The following RAB4B variants were observed in gnomAD, a reference collection of about 807,000 sequenced individuals.
The protein encoded by RAB4B is ras-related protein Rab-4B.
A neutral mutation model predicts 28.3 loss-of-function variants in RAB4B; 15 were observed. The ratio of observed to expected loss-of-function variants is 0.53; its 90% CI spans 0.35 to 0.82. The LOEUF (loss-of-function observed/expected upper bound fraction) is 0.82. Among genes scored for constraint, RAB4B ranks in the 40% least tolerant of loss-of-function variants. RAB4B has a pLI of 0.01. For synonymous variants in RAB4B, 108 were observed against 116.3 expected, an observed-to-expected ratio of 0.93 and a Z score of 0.46; for missense variants, 244 against 288.5, an observed-to-expected ratio of 0.85 and a Z score of 1.12.
chr19:40,787,845 C>T (rs1214810793), intron 7 of RAB4B, among the ~76,000 whole-genome samples: 1 of 151,284 alleles, frequency 6.6e-6, no homozygotes. Context: ...GCCTATAGTC[C>T]CAGCTACTTG....
intron 7 of RAB4B, among the ~76,000 whole-genome samples, chr19:40,793,832 A>AG (rs1041531625): frequency 2.6e-5 from 4 of 151,558 alleles, no homozygotes; most frequent in African/African-American, 9.7e-5. Flanking sequence ...GCTGAGGCAG[A>AG]GGAATAGCTT....
chr19:40,784,576 T>G (rs2083080773), intron 5 of RAB4B, among the ~76,000 whole-genome samples: 1 of 152,148 alleles, frequency 6.6e-6, no homozygotes, highest in South Asian at 2.1e-4. Flanking sequence ...TCTCAGTTTC[T>G]TCATCTGGAA....
chr19:40,779,123 C>T (rs1386375416), intron 1 of RAB4B: 7 of 667,918 alleles, frequency 1.0e-5, no homozygotes, highest in Non-Finnish European at 1.3e-5. Context: ...GTGAATGAGT[C>T]AGAGGGTGGT....
At chr19:40,787,396 G>A (rs535134058) in intron 7 of RAB4B, among the ~76,000 whole-genome samples, 17 of 152,052 alleles carry the variant, frequency 1.1e-4, no homozygotes, top group East Asian at 7.8e-4. Flanking sequence ...TTAGCTGGGC[G>A]TGGTGGCAGG....
intron 3 of RAB4B, among the ~76,000 whole-genome samples, chr19:40,782,020 CAAA>C (rs56884543): frequency 9.3e-4 from 101 of 108,660 alleles, no homozygotes; most frequent in Middle Eastern, 5.0e-3. Flanking sequence ...GGCTCCGTTT[CAAA>C]AAAAAAAAAA....
At chr19:40,787,082 G>A (rs1365251313) in intron 7 of RAB4B, 104 bp downstream of exon 7, 1 of 1,075,260 alleles carries the variant, frequency 9.3e-7, no homozygotes, top group Admixed American at 2.2e-5. Flanking sequence ...AACAGAGTGA[G>A]AGAAAGATGC....
At position 40,784,061 on chromosome 19, in the gene RAB4B, T is replaced by TTGCCCAGGAGAATGGTGAGGGC; in HGVS notation, c.419_430+10dup. Reference sequence around the variant, plus strand: ...GTCACTTTCCTGGAGGCCTCCCGCTTTGCCCAGGAGAATGGTGAGGGCTGT... The same window carrying TTGCCCAGGAGAATGGTGAGGGC: ...GTCACTTTCCTGGAGGCCTCCCGCTTTGCCCAGGAGAATGGTGAGGGCTGCCCAGGAGAATGGTGAGGGCTGT... On this transcript the variant is annotated frameshift_variant, in exon 5 of 8. Transcript: ENST00000357052. LOFTEE classifies it high-confidence loss of function. The TTGCCCAGGAGAATGGTGAGGGC allele has an allele frequency of 6.2e-7, 1 of 1,612,400 alleles. No homozygotes were observed. The highest frequency in any genetic ancestry group is 8.5e-7 in the Non-Finnish European group (1 of 1,178,790).
Position 40,778,410 on chromosome 19 carries a change from G to C in RAB4B, c.16+19G>C. The stretch of plus-strand genomic sequence containing the variant: ...ACCTACGGTGAGGGTGGTGGACGAA[G>C]CTGGGGTCCTGGGTCTGGGCCCAGG... On this transcript the variant is annotated intron_variant, in intron 1 of 7. Coordinates refer to ENST00000357052, the MANE Select transcript of RAB4B (RefSeq NM_016154.5). 1 of 1,456,376 alleles carries C rather than the reference G, an allele frequency of 6.9e-7. No individual in the cohort carries two copies. Among genetic ancestry groups the C allele is most frequent in the Admixed American group, 2.9e-5 (1 of 34,614 alleles). 90.2% of individuals were successfully genotyped at this position (1,456,376 alleles called of 1,614,324 possible). A position where few individuals can be genotyped will look rare whatever the true frequency, so the allele number is the denominator to read the frequency against.
intron 7 of RAB4B, among the ~76,000 whole-genome samples, chr19:40,793,957 A>G (rs1388356608): frequency 6.6e-6 from 1 of 151,406 alleles, no homozygotes; most frequent in Non-Finnish European, 1.5e-5. Flanking sequence ...AAAAAAACCA[A>G]AACAAAACAA....
intron 5 of RAB4B, chr19:40,786,281 A>AG: frequency 3.2e-6 from 1 of 309,716 alleles, no homozygotes; most frequent in South Asian, 2.6e-5. Flanking sequence ...GGAATGGGGC[A>AG]GGCCCAGGCA....
intron 3 of RAB4B, 97 bp from the exon 4 acceptor site, chr19:40,783,681 G>T (rs79276295): frequency 0.04 from 49,027 of 1,239,518 alleles, 1,190 homozygotes; most frequent in Middle Eastern, 0.051. Flanking sequence ...AGCAGTGAAG[G>T]GGGGGGCCTC....
chr19:40,783,717 G>T (rs2083072182), intron 3 of RAB4B, 61 bp from the exon 4 acceptor site: 1 of 1,477,800 alleles, frequency 6.8e-7, no homozygotes, highest in Non-Finnish European at 9.1e-7. Flanking sequence ...TCTCTGTAGA[G>T]GGGGGCATTC....
chr19:40,781,404 TCAGA>T (rs2083046619), intron 3 of RAB4B, among the ~76,000 whole-genome samples: 1 of 149,804 alleles, frequency 6.7e-6, no homozygotes, highest in African/African-American at 2.5e-5. Context: ...ACAGGGTGAG[TCAGA>T]CAGGTGTAGT....
At chr19:40,786,538 C>G in intron 5 of RAB4B, 127 bp from the exon 6 acceptor site, 1 of 1,410,786 alleles carries the variant, frequency 7.1e-7, no homozygotes, top group Non-Finnish European at 9.6e-7. Context: ...ATGGCATGCG[C>G]AGAGGCCTGA....
At chr19:40,786,339 G>C (rs1372381693) in intron 5 of RAB4B, 5 of 363,752 alleles carry the variant, frequency 1.4e-5, no homozygotes, top group Non-Finnish European at 2.7e-5. Flanking sequence ...TTGGGGCCAG[G>C]ATGAGGAAGC....
chr19:40,783,850 CG>C lies in RAB4B; in HGVS notation c.275+14del. 1 of 557,480 alleles carries C rather than the reference CG, an allele frequency of 1.8e-6. No individual in the cohort carries two copies. Among genetic ancestry groups the C allele is most frequent in the Non-Finnish European group, 3.1e-6 (1 of 317,798 alleles). The allele number at this position is 557,480 out of a possible 1,614,324, so 34.5% of individuals were successfully genotyped here. On this transcript the variant is annotated intron_variant, in intron 4 of 7. Transcript: ENST00000357052. ...TGTACGACATCACCAGGTGGGTGCCCGGGGTGGGTGGGGTAGGGCATGGGTG... is the reference window on the plus strand; with the variant it reads ...TGTACGACATCACCAGGTGGGTGCCCGGGTGGGTGGGGTAGGGCATGGGTG...
chr19:40,788,739 A>C (rs796942879), intron 7 of RAB4B, among the ~76,000 whole-genome samples: 5 of 146,246 alleles, frequency 3.4e-5, no homozygotes, highest in African/African-American at 1.3e-4. Context: ...GGCGACTACC[A>C]CCATGCCTGG....
At chr19:40,781,972 G>C (rs2145040562) in intron 3 of RAB4B, among the ~76,000 whole-genome samples, 1 of 144,098 alleles carries the variant, frequency 6.9e-6, no homozygotes, top group Non-Finnish European at 1.5e-5. Flanking sequence ...AGTGAGCCCA[G>C]ATCGCGCCAC....
At chr19:40,794,749 A>C (rs2083192176) in intron 7 of RAB4B, 2 of 147,128 alleles carry the variant, frequency 1.4e-5, no homozygotes, top group African/African-American at 5.0e-5. Context: ...CTTAATTAAA[A>C]GATAAATAGA....
Sources: gnomAD v4.1 joint callset for allele counts (sites outside exome capture counted in the v4.1 genomes callset) on GRCh38, gnomAD v4.1.1 for gene constraint, MANE v1.5 for transcripts, NCBI Gene and HGNC (gene_info 2026-07-23, HGNC 2026-07-21) for gene names.